Variants in ORC1 observed in about 807,000 individuals in gnomAD.
ORC1 encodes origin recognition complex, subunit 1 homolog.
ORC1 carries 61 observed loss-of-function variants against 98.9 expected under a neutral mutation model. The observed-to-expected ratio is 0.62, with a 90% confidence interval of 0.50 to 0.76. The LOEUF (loss-of-function observed/expected upper bound fraction) is 0.76. ORC1 is among the 30% of genes least tolerant of loss of function. The probability of loss-of-function intolerance (pLI) is 0.00; values close to 1 mark genes in which losing one functional copy is unlikely to be tolerated. For synonymous variants in ORC1, 385 were observed against 406.9 expected (o/e 0.95, Z 0.65); for missense variants, 979 against 1,072.2 (o/e 0.91, Z 1.21).
chr1:52,375,790 G>C (rs1306262409), intron 14 of ORC1, among the ~76,000 whole-genome samples, 191 bp from the exon 15 acceptor site: 1 of 151,952 alleles, frequency 6.6e-6, no homozygotes, highest in Non-Finnish European at 1.5e-5. Context: ...CCTCTGTCTT[G>C]GTTTTACAGT....
rs1380458000 is a variant in ORC1, at chr1:52,397,717, T to A, written c.370A>T (p.Ile124Phe). The A allele has an allele frequency of 2.5e-6, 4 of 1,614,242 alleles. No individual in the cohort carries two copies. The highest frequency in any genetic ancestry group is 3.4e-6 in the Non-Finnish European group (4 of 1,180,044). ...WYDYPACDSN[I>F]NAETIIGLVR... The stretch of plus-strand genomic sequence containing the variant: ...AGGCCAATGATGGTCTCCGCATTAA[T>A]GTTGCTGTCACAGGCCGGGTAATCA... Residue 124 changes from isoleucine (I) to phenylalanine (F), a missense_variant, in exon 4 of 17, where the codon ATT becomes TTT. Physicochemically the swap from Ile to Phe is conservative, Grantham distance 21 (BLOSUM62 0). Transcript: ENST00000371568.
intron 6 of ORC1, among the ~76,000 whole-genome samples, chr1:52,390,453 C>T (rs1647193638): frequency 6.6e-6 from 1 of 152,182 alleles, no homozygotes; most frequent in Admixed American, 6.5e-5. Context: ...GGGAAAAGGA[C>T]ACCCTGTTCA....
Position 52,373,039 on chromosome 1 carries a change from G to T in ORC1, c.*142C>A. The T allele has an allele frequency of 1.2e-6, 1 of 861,676 alleles. No homozygotes were observed. The highest frequency in any genetic ancestry group is 2.0e-6 in the Non-Finnish European group (1 of 507,890). 53.4% of individuals were successfully genotyped at this position (861,676 alleles called of 1,614,324 possible). A position where few individuals can be genotyped will look rare whatever the true frequency, so the allele number is the denominator to read the frequency against. Reference sequence around the variant, plus strand: ...TTCAGCCACCTGGGAGGATGAGGTTGGGGGGTCACCTAAGCCTGAGAAGTC... The same window carrying T: ...TTCAGCCACCTGGGAGGATGAGGTTTGGGGGTCACCTAAGCCTGAGAAGTC... On this transcript the variant is annotated 3_prime_UTR_variant, in exon 17 of 17. Transcript: ENST00000371568.
At chr1:52,408,222 A>G, upstream of ORC1, 1 of 370,034 alleles carries the variant, frequency 2.7e-6, no homozygotes, top group Non-Finnish European at 5.3e-6. Flanking sequence ...CCTGGGCAAC[A>G]GAGCAAGACT....
chr1:52,374,993 G>C, intron 15 of ORC1, 96 bp from the exon 16 acceptor site: 1 of 761,200 alleles, frequency 1.3e-6, no homozygotes, highest in Non-Finnish European at 2.3e-6. Context: ...TTAGAAAAGA[G>C]AAAACCCGGG....
Position 52,375,420 on chromosome 1 carries a change from A to G in ORC1, c.2303+10T>C, listed in dbSNP as rs748117291. 8 of 1,613,802 alleles carry G rather than the reference A, an allele frequency of 5.0e-6. No homozygotes were observed. The highest frequency in any genetic ancestry group is 1.7e-5 in the Admixed American group (1 of 60,020). On this transcript the variant is annotated intron_variant, in intron 15 of 16. Coordinates refer to ENST00000371568, the MANE Select transcript of ORC1 (RefSeq NM_004153.4). ...CCTTCCAGGAAGGCTCAGGAAGTGG[A>G]GCATCTTACTTGATGGCCGTGATGT...
intron 8 of ORC1, among the ~76,000 whole-genome samples, chr1:52,387,947 C>T (rs1403402247): frequency 6.6e-6 from 1 of 152,130 alleles, no homozygotes; most frequent in Non-Finnish European, 1.5e-5. Flanking sequence ...ATCTGAATAC[C>T]TTTTCAGTGT....
chr1:52,388,776 C>A, intron 7 of ORC1, 139 bp from the exon 8 acceptor site: 1 of 715,892 alleles, frequency 1.4e-6, no homozygotes, highest in Non-Finnish European at 2.5e-6. Context: ...CCGAGACACT[C>A]TGTTAGGAGC....
chr1:52,396,643 A>C (rs1238280871), intron 4 of ORC1, among the ~76,000 whole-genome samples: 1 of 152,014 alleles, frequency 6.6e-6, no homozygotes, highest in Non-Finnish European at 1.5e-5. Context: ...TTTATTGTTC[A>C]TCTCTCAATT....
In ORC1 at chr1:52,396,055, C is replaced by G. The variant is rs1299962289; in HGVS notation, c.712G>C (p.Glu238Gln). The G allele has an allele frequency of 1.2e-6, 2 of 1,614,078 alleles. No individual in the cohort carries two copies. The highest frequency in any genetic ancestry group is 1.7e-6 in the Non-Finnish European group (2 of 1,180,040). The change falls in exon 5 of 17, where the codon GAG (glutamate) becomes CAG (glutamine). Residue 238 changes from glutamate to glutamine, a missense_variant. By Grantham distance (29) the Glu-to-Gln change is conservative. Transcript: ENST00000371568. Reference sequence around the variant, plus strand: ...CCATTCCACAACTTACTGCCAAGCTCCAGCCTCTTTCTGGCTCTTGGGGTA... The same window carrying G: ...CCATTCCACAACTTACTGCCAAGCTGCAGCCTCTTTCTGGCTCTTGGGGTA... Reference protein sequence around the residue: ...PLTPRARKRLELGNLGNPQMS... With the variant: ...PLTPRARKRLQLGNLGNPQMS...
chr1:52,404,048 G>A (rs1647867947), intron 1 of ORC1, among the ~76,000 whole-genome samples, 198 bp downstream of exon 1: 1 of 152,200 alleles, frequency 6.6e-6, no homozygotes, highest in African/African-American at 2.4e-5. Flanking sequence ...CCTGCAGCGC[G>A]GGAAGCCTTT....
At chr1:52,393,970 T>A (rs539525124) in intron 5 of ORC1, among the ~76,000 whole-genome samples, 167 bp from the exon 6 acceptor site, 1 of 152,362 alleles carries the variant, frequency 6.6e-6, no homozygotes, top group Admixed American at 6.5e-5. Flanking sequence ...TAATAATTTT[T>A]CATCTCTCAC....
At chr1:52,395,916 G>T in intron 5 of ORC1, 130 bp downstream of exon 5, 1 of 1,473,100 alleles carries the variant, frequency 6.8e-7, no homozygotes, top group Non-Finnish European at 9.2e-7. Flanking sequence ...GATTGCTTGA[G>T]CATGATCACT....
At chr1:52,375,660 T>G (rs2147910115) in intron 14 of ORC1, 61 bp from the exon 15 acceptor site, 14 of 1,519,458 alleles carry the variant, frequency 9.2e-6, no homozygotes, top group Non-Finnish European at 1.3e-5. Context: ...AAGAGATTCT[T>G]GGTAGTGCTG....
intron 3 of ORC1, among the ~76,000 whole-genome samples, chr1:52,399,361 A>G (rs868159949): frequency 4.6e-5 from 7 of 152,268 alleles, no homozygotes; most frequent in African/African-American, 1.7e-4. Flanking sequence ...GCGGCGGCTC[A>G]CGCCTGTAAT....
chr1:52,402,214 AGTGTGCCATGGCTTCTGTGGAAG>A lies in ORC1; in HGVS notation c.-5-9_9del. The stretch of plus-strand genomic sequence containing the variant: ...TTTCTGGTCTTCAGCCTTGTGGGGT[AGTGTGCCATGGCTTCTGTGGAAG>A]AGTCCAAACTCTGAGTTACCATGAT... On this transcript the variant is annotated splice_acceptor_variant and splice_polypyrimidine_tract_variant and coding_sequence_variant and 5_prime_UTR_variant and intron_variant, in exon 2 of 17. Transcript: ENST00000371568. LOFTEE classifies it high-confidence loss of function. 1.2e-6 allele frequency: 2 copies of A among 1,613,956 alleles called. No homozygotes were observed. Among genetic ancestry groups the A allele is most frequent in the Non-Finnish European group, 1.7e-6 (2 of 1,179,860 alleles).
In ORC1 at chr1:52,393,646, TG is replaced by T; in HGVS notation, c.878del (p.Pro293GlnfsTer24). The T allele has an allele frequency of 6.2e-7, 1 of 1,614,166 alleles. No homozygotes were observed. ...LQTLSPALKA[P>X]EKTRETGLSY... is the part of the protein sequence containing the mutation. Reference sequence around the variant, plus strand: ...AGAGTCCAGTCTCTCTGGTTTTCTCTGGGGCTTTCAGAGCTGGAGACAAGGT... The same window carrying T: ...AGAGTCCAGTCTCTCTGGTTTTCTCTGGGCTTTCAGAGCTGGAGACAAGGT... On this transcript the variant is annotated frameshift_variant, in exon 6 of 17. Coordinates refer to ENST00000371568, the MANE Select transcript of ORC1 (RefSeq NM_004153.4). LOFTEE classifies it high-confidence loss of function.
upstream of ORC1, chr1:52,408,460 C>G: frequency 6.8e-7 from 1 of 1,469,104 alleles, no homozygotes; most frequent in Non-Finnish European, 9.5e-7. Flanking sequence ...AGCTTTCTTA[C>G]CTGCCAAAGA....
intron 4 of ORC1, 89 bp from the exon 5 acceptor site, chr1:52,396,453 A>G: frequency 6.6e-7 from 1 of 1,514,270 alleles, no homozygotes; most frequent in Admixed American, 1.7e-5. Flanking sequence ...AAAAACATTG[A>G]AGTCCACATC....
Sources: gnomAD v4.1 joint callset for allele counts (sites outside exome capture counted in the v4.1 genomes callset) on GRCh38, gnomAD v4.1.1 for gene constraint, MANE v1.5 for transcripts, NCBI Gene and HGNC (gene_info 2026-07-23, HGNC 2026-07-21) for gene names.